PCDH15: variants seen among roughly 807,000 people sequenced by gnomAD.
The protein encoded by PCDH15 is protocadherin related 15, also known as protocadherin-15.
In PCDH15, 129 loss-of-function variants were observed where a neutral mutation model predicts 178.5. The ratio of observed to expected loss-of-function variants is 0.72; its 90% CI spans 0.63 to 0.84. The LOEUF is 0.84. PCDH15 is among the 40% of genes least tolerant of loss of function. The pLI, the probability that PCDH15 is intolerant of heterozygous loss-of-function variation, is 0.00. For synonymous variants in PCDH15, 800 were observed against 732.0 expected (o/e 1.09, Z -1.50); for missense variants, 2,230 against 2,099.9 (o/e 1.06, Z -1.21).
intron 2 of PCDH15, among the ~76,000 whole-genome samples, chr10:55,487,924 A>G (rs1029323582): frequency 1.5e-5 from 2 of 137,578 alleles, no homozygotes; most frequent in Admixed American, 7.3e-5. Context: ...ATTTTAATAA[A>G]TTCAAAGTCA....
chr10:53,889,866 A>G (rs536875498), intron 26 of PCDH15, among the ~76,000 whole-genome samples: 1 of 152,330 alleles, frequency 6.6e-6, no homozygotes, highest in South Asian at 2.1e-4. Flanking sequence ...AGTGTGAGAA[A>G]ATGAATCTAA....
intron 2 of PCDH15, among the ~76,000 whole-genome samples, chr10:54,986,362 T>C (rs2131910790): frequency 6.6e-6 from 1 of 151,982 alleles, no homozygotes; most frequent in Non-Finnish European, 1.5e-5. Flanking sequence ...AAATATGACA[T>C]ATATCTGGAA....
intron 24 of PCDH15, among the ~76,000 whole-genome samples, chr10:53,940,564 A>G (rs951473145): frequency 3.9e-5 from 6 of 152,178 alleles, no homozygotes; most frequent in African/African-American, 1.4e-4. Flanking sequence ...AAATTTCATG[A>G]TGCATTAATT....
chr10:54,797,311 G>C (rs114683281), intron 1 of PCDH15, among the ~76,000 whole-genome samples: 197 of 152,018 alleles, frequency 1.3e-3, no homozygotes, highest in African/African-American at 4.4e-3. Flanking sequence ...GGAAAGAAAT[G>C]CTTCATTTTC....
intron 1 of PCDH15, among the ~76,000 whole-genome samples, chr10:55,185,750 G>C (rs550426611): frequency 6.6e-6 from 1 of 151,556 alleles, no homozygotes; most frequent in Non-Finnish European, 1.5e-5. Context: ...CTCGAAGGTT[G>C]ACAAAACATT....
intron 15 of PCDH15, among the ~76,000 whole-genome samples, chr10:54,121,883 G>T (rs2095225226): frequency 6.6e-6 from 1 of 151,906 alleles, no homozygotes; most frequent in African/African-American, 2.4e-5. Flanking sequence ...TCTACCAGAG[G>T]TCCAAAGAAG....
chr10:54,314,125 G>T (rs2061079502), intron 8 of PCDH15, among the ~76,000 whole-genome samples: 1 of 85,020 alleles, frequency 1.2e-5, no homozygotes, highest in Non-Finnish European at 2.5e-5. Flanking sequence ...GATTTTAATT[G>T]GAAGTACACA....
At chr10:54,579,968 T>C (rs1331078892) in intron 2 of PCDH15, among the ~76,000 whole-genome samples, 3 of 152,044 alleles carry the variant, frequency 2.0e-5, no homozygotes, top group Admixed American at 2.0e-4. Context: ...ATGCAGCCTA[T>C]ACAATGTTAA....
At position 55,343,554 on chromosome 10, in the gene PCDH15, A is replaced by C. The variant is rs539880831; in HGVS notation, c.-155-176903T>G. On this transcript the variant is annotated intron_variant, in intron 2 of 5. Coordinates refer to the PCDH15 transcript ENST00000613346. ...AATCTTCCTTTTCCCCCCCAATATA[A>C]CTGGCAAGATTCCTGTAGTTAACAA... 2.0e-5 allele frequency among the ~76,000 whole-genome samples: 3 copies of C among 151,964 alleles called. No individual in the cohort carries two copies. The East Asian group carries it at 5.8e-4, about 30-fold the overall frequency.
intron 2 of PCDH15, among the ~76,000 whole-genome samples, chr10:55,454,577 A>T (rs1246654909): frequency 1.3e-5 from 2 of 150,960 alleles, no homozygotes; most frequent in African/African-American, 4.9e-5. Flanking sequence ...GGAGATCGAG[A>T]TCATCCTGGC....
intron 1 of PCDH15, among the ~76,000 whole-genome samples, chr10:55,246,292 A>G (rs573261040): frequency 6.6e-6 from 1 of 152,296 alleles, no homozygotes; most frequent in African/African-American, 2.4e-5. Flanking sequence ...ACTCTGAATG[A>G]TATCCAATCA....
chr10:54,574,772 C>T (rs1421771138), intron 2 of PCDH15, among the ~76,000 whole-genome samples: 1 of 149,466 alleles, frequency 6.7e-6, no homozygotes, highest in African/African-American at 2.5e-5. Flanking sequence ...ACTAGAAATA[C>T]CATTTGACTC....
chr10:54,502,944 T>C (rs987849611), intron 3 of PCDH15, among the ~76,000 whole-genome samples: 2 of 152,026 alleles, frequency 1.3e-5, no homozygotes, highest in African/African-American at 4.8e-5. Context: ...TAATATGCAT[T>C]TTTTATTACT....
Position 55,018,000 on chromosome 10 carries a change from C to G in PCDH15, c.-79-120500G>C, listed in dbSNP as rs369287390. Among the ~76,000 whole-genome samples the G allele has an allele frequency of 2.8e-4, 43 of 152,112 alleles. 4 individuals are homozygous for G. In the East Asian group the frequency reaches 5.2e-3, roughly 18 times the overall value. On this transcript the variant is annotated intron_variant, in intron 2 of 5. Transcript: ENST00000458638. ...ACAAATTAACATATTAAAAAACCTT[C>G]AAAGTAAGCAACAATTTAACATTTA...
chr10:55,558,562 T>A (rs1842134556), intron 2 of PCDH15, among the ~76,000 whole-genome samples: 1 of 152,168 alleles, frequency 6.6e-6, no homozygotes, highest in Non-Finnish European at 1.5e-5. Flanking sequence ...GAATATTTTA[T>A]TTATAAAAAT....
intron 2 of PCDH15, among the ~76,000 whole-genome samples, chr10:55,066,461 A>C (rs1841566861): frequency 6.6e-6 from 1 of 150,720 alleles, no homozygotes; most frequent in East Asian, 1.9e-4. Context: ...TCTCTGTATC[A>C]CATTTTATAA....
intron 2 of PCDH15, among the ~76,000 whole-genome samples, chr10:55,425,620 T>C (rs1838735307): frequency 6.6e-6 from 1 of 151,844 alleles, no homozygotes; most frequent in Non-Finnish European, 1.5e-5. Context: ...AAAAAAAATC[T>C]TGTGGGTCTG....
At chr10:53,849,860 C>CAAAAAAA (rs58458871) in intron 28 of PCDH15, among the ~76,000 whole-genome samples, 646 of 52,668 alleles carry the variant, frequency 0.012, 1 homozygote, top group East Asian at 0.025. Flanking sequence ...GGCTCCGTCT[C>CAAAAAAA]AAAAAAAAAA....
chr10:55,308,773 C>A (rs1843496665), intron 1 of PCDH15, among the ~76,000 whole-genome samples: 1 of 152,046 alleles, frequency 6.6e-6, no homozygotes, highest in African/African-American at 2.4e-5. Context: ...AAACAGCAAT[C>A]CTTCATTTAA....
Sources: gnomAD v4.1 joint callset for allele counts (sites outside exome capture counted in the v4.1 genomes callset) on GRCh38, gnomAD v4.1.1 for gene constraint, MANE v1.5 for transcripts, NCBI Gene and HGNC (gene_info 2026-07-23, HGNC 2026-07-21) for gene names.